LGR5: variants seen among roughly 807,000 people sequenced by gnomAD.
LGR5 encodes the protein leucine rich repeat containing G protein-coupled receptor 5.
In LGR5, 54 loss-of-function variants were observed where a neutral mutation model predicts 76.7. The observed-to-expected ratio is 0.70, with a 90% CI of 0.57 to 0.88. The LOEUF is 0.88. Ranked by LOEUF, LGR5 falls within the 40% of genes least tolerant of loss-of-function variation. LGR5 has a pLI of 0.00. For missense variants in LGR5, 1,078 were observed against 1,073.3 expected, an observed-to-expected ratio of 1.00 and a Z score of -0.06; for synonymous variants, 406 against 421.9, an observed-to-expected ratio of 0.96 and a Z score of 0.46.
intron 17 of LGR5, 191 bp from the exon 18 acceptor site, chr12:71,583,456 C>T: frequency 1.6e-6 from 1 of 630,886 alleles, no homozygotes; most frequent in Non-Finnish European, 2.8e-6. Context: ...TGTACTCACC[C>T]AGCCAGTGCT....
intron 13 of LGR5, among the ~76,000 whole-genome samples, chr12:71,575,257 A>T (rs902288413): frequency 6.6e-6 from 1 of 152,204 alleles, no homozygotes. Flanking sequence ...TCATAACTAT[A>T]CCTGGCACAT....
chr12:71,579,581 T>G (rs1879004881), intron 15 of LGR5, among the ~76,000 whole-genome samples: 1 of 152,214 alleles, frequency 6.6e-6, no homozygotes. Context: ...ATGCAATATG[T>G]AATAAGCACA....
At chr12:71,470,569 T>C (rs1412892622) in intron 1 of LGR5, among the ~76,000 whole-genome samples, 2 of 152,342 alleles carry the variant, frequency 1.3e-5, no homozygotes, top group East Asian at 1.9e-4. Context: ...GATGTGTGTA[T>C]ACACATACGT....
chr12:71,582,249 C>G (rs1879123224), intron 16 of LGR5: 1 of 497,794 alleles, frequency 2.0e-6, no homozygotes, highest in Non-Finnish European at 3.7e-6. Flanking sequence ...GTCACTCTCC[C>G]TCACCCCCAG....
chr12:71,469,398 C>T (rs141752133), intron 1 of LGR5, among the ~76,000 whole-genome samples: 1 of 152,330 alleles, frequency 6.6e-6, no homozygotes, highest in East Asian at 1.9e-4. Context: ...CTGGCCTGAT[C>T]CTGGAGGCTG....
At chr12:71,459,118 A>C (rs768036640) in intron 1 of LGR5, among the ~76,000 whole-genome samples, 5 of 152,024 alleles carry the variant, frequency 3.3e-5, no homozygotes, top group Admixed American at 1.3e-4. Flanking sequence ...CCTTATACAA[A>C]AGGAGGCCTT....
At chr12:71,580,924 C>T (rs1003647819) in intron 16 of LGR5, among the ~76,000 whole-genome samples, 5 of 152,174 alleles carry the variant, frequency 3.3e-5, no homozygotes, top group African/African-American at 9.7e-5. Flanking sequence ...AGAAAACTAG[C>T]TCAGGATTTA....
At position 71,439,910 on chromosome 12, in the gene LGR5, C is replaced by T; in HGVS notation, c.-171C>T. ...CGGCAACCGGCACCTCTGTCCCCGCCGCGCTTCTCCTCGCCGCCCACGCCG... is the reference window on the plus strand; with the variant it reads ...CGGCAACCGGCACCTCTGTCCCCGCTGCGCTTCTCCTCGCCGCCCACGCCG... On this transcript the variant is annotated 5_prime_UTR_variant, in exon 1 of 18. Coordinates refer to ENST00000266674, the MANE Select transcript of LGR5 (RefSeq NM_003667.4). 1.7e-6 allele frequency: 1 copy of T among 591,720 alleles called. No homozygotes were observed. The highest frequency in any genetic ancestry group is 2.8e-6 in the Non-Finnish European group (1 of 350,978). The allele number at this position is 591,720 out of a possible 1,614,324, so 36.7% of individuals were successfully genotyped here.
At chr12:71,458,516 A>G (rs1029143300) in intron 1 of LGR5, among the ~76,000 whole-genome samples, 2 of 152,156 alleles carry the variant, frequency 1.3e-5, no homozygotes, top group African/African-American at 4.8e-5. Context: ...GTCAACAAAC[A>G]TTTTAACTCT....
chr12:71,524,422 G>T lies in LGR5; in HGVS notation c.301G>T (p.Ala101Ser). 6.2e-7 allele frequency: 1 copy of T among 1,612,858 alleles called. No homozygotes were observed. Among genetic ancestry groups the T allele is most frequent in the Non-Finnish European group, 8.5e-7 (1 of 1,179,166 alleles). Residue 101 changes from alanine to serine, a missense_variant, in exon 3 of 18, where the codon GCT becomes TCT. Physicochemically the swap from Ala to Ser is moderately conservative, Grantham distance 99. Coordinates refer to ENST00000266674, the MANE Select transcript of LGR5 (RefSeq NM_003667.4). The part of the protein sequence containing the change: ...FLEELRLAGN[A>S]LTYIPKGAFT... ...AACCCACAGACGTCTTGCGGGAAAC[G>T]CTCTGACATACATTCCCAAGGGAGC...
At chr12:71,443,001 C>G (rs995455600) in intron 1 of LGR5, among the ~76,000 whole-genome samples, 1 of 152,152 alleles carries the variant, frequency 6.6e-6, no homozygotes, top group Non-Finnish European at 1.5e-5. Context: ...TGCAGTGTAC[C>G]AAGACTGATG....
chr12:71,515,217 G>A (rs1342351993), intron 2 of LGR5, among the ~76,000 whole-genome samples: 1 of 152,116 alleles, frequency 6.6e-6, no homozygotes, highest in Non-Finnish European at 1.5e-5. Flanking sequence ...ATAAACCAAA[G>A]CCAAACCTAT....
chr12:71,488,642 A>T (rs1472677209), intron 1 of LGR5, among the ~76,000 whole-genome samples: 1 of 152,204 alleles, frequency 6.6e-6, no homozygotes, highest in East Asian at 1.9e-4. Context: ...AGTCCAGGAG[A>T]TACATGAGGC....
chr12:71,483,292 C>T (rs951275580), intron 1 of LGR5, among the ~76,000 whole-genome samples: 4 of 152,090 alleles, frequency 2.6e-5, no homozygotes, highest in East Asian at 1.9e-4. Context: ...AGAGATGAAC[C>T]GGTGGAGTCA....
chr12:71,523,484 G>GA (rs886869860), intron 2 of LGR5, among the ~76,000 whole-genome samples: 6 of 151,128 alleles, frequency 4.0e-5, no homozygotes, highest in Non-Finnish European at 7.4e-5. Context: ...CTCTAAAAAA[G>GA]AAAAAAAAGA....
Position 71,494,105 on chromosome 12 carries a change from G to A in LGR5, c.213-10509G>A, listed in dbSNP as rs563389282. 1.0e-3 allele frequency among the ~76,000 whole-genome samples: 150 copies of A among 149,928 alleles called. 7 individuals carry two copies. The Middle Eastern group carries it at 0.01, about 10-fold the overall frequency. On this transcript the variant is annotated intron_variant, in intron 1 of 17. Transcript: ENST00000266674. The stretch of plus-strand genomic sequence containing the variant: ...ACTACAGGCACCTGCCACCATGCCC[G>A]GCTAATTTTTTATACTTTTTTTAGT...
intron 16 of LGR5, among the ~76,000 whole-genome samples, chr12:71,581,671 C>T (rs1231243584): frequency 1.3e-5 from 2 of 152,184 alleles, no homozygotes; most frequent in African/African-American, 4.8e-5. Flanking sequence ...TCTAATTTCT[C>T]TCCAAAATTA....
At chr12:71,570,466 G>A (rs1878556394) in intron 11 of LGR5, among the ~76,000 whole-genome samples, 1 of 152,118 alleles carries the variant, frequency 6.6e-6, no homozygotes. Flanking sequence ...AGCCTGCAGA[G>A]ATGAGTAAAC....
At chr12:71,528,027 A>T (rs1349381329) in intron 3 of LGR5, among the ~76,000 whole-genome samples, 1 of 152,234 alleles carries the variant, frequency 6.6e-6, no homozygotes, top group African/African-American at 2.4e-5. Flanking sequence ...GATGTTCTGC[A>T]TATGCTTAAT....
Sources: allele counts gnomAD v4.1 joint callset (sites outside exome capture counted in the v4.1 genomes callset), GRCh38; gene constraint gnomAD v4.1.1; transcripts MANE v1.5; gene names NCBI Gene and HGNC (gene_info 2026-07-23, HGNC 2026-07-21).